Variants in ASAP1 observed in about 807,000 individuals in gnomAD.
The protein encoded by ASAP1 is ArfGAP with SH3 domain, ankyrin repeat and PH domain 1, also known as arf-GAP with SH3 domain, ANK repeat and PH domain-containing protein 1.
Under a neutral mutation model 145.2 loss-of-function variants are expected in ASAP1, and 43 were observed. The observed-to-expected ratio is 0.30, with a 90% CI of 0.23 to 0.38. ASAP1 has a LOEUF of 0.38. ASAP1 is among the 10% of genes least tolerant of loss of function. ASAP1 has a pLI of 1.00. For synonymous variants in ASAP1, 546 were observed against 515.5 expected, an observed-to-expected ratio of 1.06 and a Z score of -0.80; for missense variants, 1,018 against 1,355.3, an observed-to-expected ratio of 0.75 and a Z score of 3.91.
intron 13 of ASAP1, 40 bp downstream of exon 13, chr8:130,152,696 T>G (rs1344241080): frequency 2.0e-6 from 3 of 1,525,682 alleles, no homozygotes; most frequent in Non-Finnish European, 9.0e-7. Context: ...GTGTTTGCTT[T>G]CTGGCCCATG....
intron 3 of ASAP1, among the ~76,000 whole-genome samples, chr8:130,240,917 C>G (rs1378634709): frequency 6.6e-6 from 1 of 152,110 alleles, no homozygotes; most frequent in Non-Finnish European, 1.5e-5. Context: ...GGAAGCCATA[C>G]TGACAGAGGC....
chr8:130,218,862 TATGC>T (rs1565101963), intron 4 of ASAP1, among the ~76,000 whole-genome samples: 2 of 151,954 alleles, frequency 1.3e-5, no homozygotes, highest in African/African-American at 4.8e-5. Context: ...TATATATATA[TATGC>T]ATATGTATGT....
At chr8:130,133,764 TTTA>T (rs1292862347) in intron 15 of ASAP1, among the ~76,000 whole-genome samples, 2 of 151,984 alleles carry the variant, frequency 1.3e-5, no homozygotes, top group Non-Finnish European at 2.9e-5. Context: ...CACGCTCCCT[TTTA>T]TTGACTCTGT....
chr8:130,129,784 C>A (rs1428183765), intron 15 of ASAP1, among the ~76,000 whole-genome samples: 2 of 151,918 alleles, frequency 1.3e-5, no homozygotes, highest in African/African-American at 4.8e-5. Flanking sequence ...TTGGGAGAAA[C>A]GCATATACAC....
At chr8:130,270,124 C>T (rs1271579744) in intron 3 of ASAP1, among the ~76,000 whole-genome samples, 2 of 152,170 alleles carry the variant, frequency 1.3e-5, no homozygotes. Context: ...GAGCTGAGAT[C>T]GTGCCACTGC....
At chr8:130,399,554 G>A (rs571508480) in intron 2 of ASAP1, among the ~76,000 whole-genome samples, 174 of 152,192 alleles carry the variant, frequency 1.1e-3, no homozygotes, top group African/African-American at 3.9e-3. Context: ...ATCATGTCTC[G>A]ATCATATCAA....
chr8:130,194,810 A>G (rs1320889503), intron 5 of ASAP1, among the ~76,000 whole-genome samples: 3 of 151,936 alleles, frequency 2.0e-5, no homozygotes, highest in African/African-American at 7.3e-5. Context: ...TTGCTCACCC[A>G]CCGCTCACCT....
chr8:130,417,621 A>AC lies in ASAP1; in HGVS notation c.-27-15652_-27-15651insG, dbSNP rs201205344. Among the ~76,000 whole-genome samples the AC allele has an allele frequency of 7.3e-3, 994 of 136,688 alleles. 12 individuals carry two copies. The highest frequency in any genetic ancestry group is 0.024 in the African/African-American group (936 of 39,232). The allele number at this position is 136,688 out of a possible 152,430, so 89.7% of individuals were successfully genotyped here. A position where few individuals can be genotyped will look rare whatever the true frequency, so the allele number is the denominator to read the frequency against. On this transcript the variant is annotated intron_variant, in intron 1 of 29. Coordinates refer to ENST00000518721, the MANE Select transcript of ASAP1 (RefSeq NM_018482.4). ...CCCCACAAGTCCTGGCTTCAGGGGA[A>AC]AAAAAAAAAAAAAGGAGAGGCAAAT...
chr8:130,416,392 T>C (rs1252779686), intron 1 of ASAP1, among the ~76,000 whole-genome samples: 1 of 152,232 alleles, frequency 6.6e-6, no homozygotes, highest in Admixed American at 6.5e-5. Flanking sequence ...AATTAATTAA[T>C]GAATGCCTAA....
rs78056764 is a variant in ASAP1, at chr8:130,108,356, C to T, written c.2401+3738G>A. Among the ~76,000 whole-genome samples, 625 of 152,276 alleles carry T rather than the reference C, an allele frequency of 4.1e-3. 4 individuals carry two copies. Among genetic ancestry groups the T allele is most frequent in the African/African-American group, 0.014 (594 of 41,558 alleles). ...CTGTAATTAGCATATCAGGTGTTCACCTTTCTAAACGCTTAAAAGGTTAGT... is the reference window on the plus strand; with the variant it reads ...CTGTAATTAGCATATCAGGTGTTCATCTTTCTAAACGCTTAAAAGGTTAGT... On this transcript the variant is annotated intron_variant, in intron 24 of 29. Transcript: ENST00000518721.
chr8:130,074,788 G>C (rs1301663674), intron 27 of ASAP1, among the ~76,000 whole-genome samples: 1 of 152,218 alleles, frequency 6.6e-6, no homozygotes, highest in Non-Finnish European at 1.5e-5. Context: ...TGGGCTGAAA[G>C]GTTGCGGTGC....
chr8:130,337,892 G>A (rs548191563), intron 3 of ASAP1, among the ~76,000 whole-genome samples: 2 of 152,328 alleles, frequency 1.3e-5, no homozygotes, highest in South Asian at 2.1e-4. Flanking sequence ...AGTTCCCCAT[G>A]GGGATGGCAA....
intron 3 of ASAP1, among the ~76,000 whole-genome samples, chr8:130,357,675 C>A (rs1826409488): frequency 6.6e-6 from 1 of 152,234 alleles, no homozygotes; most frequent in African/African-American, 2.4e-5. Context: ...GGCCTGACGC[C>A]ACCTACCTCG....
intron 9 of ASAP1, among the ~76,000 whole-genome samples, chr8:130,177,249 C>T (rs771074574): frequency 1.3e-5 from 2 of 152,260 alleles, no homozygotes; most frequent in South Asian, 2.1e-4. Context: ...CCATTACTAG[C>T]GAAGGCTAAT....
chr8:130,203,972 G>A (rs183863269), intron 5 of ASAP1, among the ~76,000 whole-genome samples: 2 of 152,194 alleles, frequency 1.3e-5, no homozygotes, highest in Non-Finnish European at 2.9e-5. Flanking sequence ...TTTACATTAT[G>A]TCCAAAACAG....
intron 9 of ASAP1, among the ~76,000 whole-genome samples, chr8:130,174,419 T>G (rs1586515436): frequency 1.3e-5 from 2 of 152,214 alleles, no homozygotes; most frequent in Non-Finnish European, 2.9e-5. Flanking sequence ...TCTCTATAAA[T>G]TACTGTAACA....
chr8:130,245,121 TATC>T (rs1423752927), intron 3 of ASAP1, among the ~76,000 whole-genome samples: 2 of 152,134 alleles, frequency 1.3e-5, no homozygotes, highest in African/African-American at 2.4e-5. Context: ...GTAAAGATGT[TATC>T]ATGTTAGTTT....
At position 130,126,002 on chromosome 8, in the gene ASAP1, C is replaced by T. The variant is rs2097574380; in HGVS notation, c.1469G>A (p.Arg490His). Residue 490 changes from arginine to histidine, a missense_variant, in exon 17 of 30, where the codon CGC (arginine) becomes CAC (histidine). Physicochemically the swap from Arg to His is conservative, Grantham distance 29. Transcript: ENST00000518721. The part of the protein sequence containing the change: ...IHREMGVHIS[R>H]IQSLELDKLG... ...TTTGTCTAGTTCCAAAGACTGAATG[C>T]GAGAAATATGAACCCCCATTTCCCT... 2 of 1,613,790 alleles carry T rather than the reference C, an allele frequency of 1.2e-6. No homozygotes were observed. Among genetic ancestry groups the T allele is most frequent in the Non-Finnish European group, 1.7e-6 (2 of 1,179,832 alleles).
intron 9 of ASAP1, among the ~76,000 whole-genome samples, chr8:130,173,245 C>T (rs1199733183): frequency 1.3e-5 from 2 of 152,162 alleles, no homozygotes; most frequent in African/African-American, 2.4e-5. Context: ...ATAACCATGG[C>T]AGTCATTAGC....
Sources: allele counts gnomAD v4.1 joint callset (sites outside exome capture counted in the v4.1 genomes callset), GRCh38; gene constraint gnomAD v4.1.1; transcripts MANE v1.5; gene names NCBI Gene and HGNC (gene_info 2026-07-23, HGNC 2026-07-21).